Variants in ZSCAN4 observed in about 807,000 individuals in gnomAD.
ZSCAN4 encodes the protein zinc finger and SCAN domain-containing protein 4.
Under a neutral mutation model 18.3 loss-of-function variants are expected in ZSCAN4, and 18 were observed. The ratio of observed to expected loss-of-function variants is 0.98; its 90% confidence interval spans 0.68 to 1.46. The LOEUF (loss-of-function observed/expected upper bound fraction) is 1.46, where lower values mean the gene tolerates loss of function less well. Among genes scored for constraint, ZSCAN4 ranks in the 40% most tolerant of loss-of-function variants. The probability of loss-of-function intolerance (pLI) is 0.00; values close to 1 mark genes in which losing one functional copy is unlikely to be tolerated. For missense variants in ZSCAN4, 498 were observed against 511.4 expected (o/e 0.97, Z 0.25); for synonymous variants, 193 against 180.3 (o/e 1.07, Z -0.57).
At chr19:57,654,183 C>T in the ZSCAN4 span, among the ~76,000 whole-genome samples, 2 of 152,172 alleles carry the variant, frequency 1.3e-5, no homozygotes, top group African/African-American at 4.8e-5. Context: ...GTAACCTAGT[C>T]AACACTTGCT....
the ZSCAN4 span, among the ~76,000 whole-genome samples, chr19:57,657,944 G>C: frequency 1.3e-5 from 2 of 152,252 alleles, no homozygotes; most frequent in East Asian, 3.9e-4. Flanking sequence ...CCCAAAAAAG[G>C]TCTGTGCATG....
upstream of ZSCAN4, among the ~76,000 whole-genome samples, chr19:57,666,350 T>C (rs1568656593): frequency 6.6e-6 from 1 of 152,114 alleles, no homozygotes; most frequent in African/African-American, 2.4e-5. Flanking sequence ...TTCCTTCTCT[T>C]TACGACTGTT....
chr19:57,675,488 G>A (rs900030585), intron 2 of ZSCAN4, among the ~76,000 whole-genome samples: 8 of 152,040 alleles, frequency 5.3e-5, no homozygotes, highest in African/African-American at 1.7e-4. Context: ...CACCATGTTG[G>A]CCAGGCTAGT....
At chr19:57,666,253 G>C (rs1216577064), upstream of ZSCAN4, among the ~76,000 whole-genome samples, 2 of 152,194 alleles carry the variant, frequency 1.3e-5, no homozygotes, top group African/African-American at 4.8e-5. Flanking sequence ...TTTCCACGGG[G>C]TGATCCACGC....
intron 2 of ZSCAN4, among the ~76,000 whole-genome samples, chr19:57,671,560 A>C (rs1984024081): frequency 6.6e-6 from 1 of 151,898 alleles, no homozygotes; most frequent in Non-Finnish European, 1.5e-5. Context: ...CAGCCACAAC[A>C]CCTAAGATGG....
chr19:57,676,757 A>C (rs1347726994), intron 3 of ZSCAN4, among the ~76,000 whole-genome samples: 1 of 152,232 alleles, frequency 6.6e-6, no homozygotes, highest in Admixed American at 6.5e-5. Flanking sequence ...TCTGTAGGAC[A>C]TATAGGAGCC....
exon 5 of ZSCAN4, chr19:57,678,587 A>C: frequency 6.2e-7 from 1 of 1,614,078 alleles, no homozygotes; most frequent in African/African-American, 1.3e-5. Flanking sequence ...GTCACTTATT[A>C]GCTCACCAGA....
At chr19:57,666,135 C>A (rs1983842782), upstream of ZSCAN4, among the ~76,000 whole-genome samples, 1 of 152,148 alleles carries the variant, frequency 6.6e-6, no homozygotes, top group Non-Finnish European at 1.5e-5. Context: ...CATATCAGAT[C>A]CTTATGAAGC....
At chr19:57,659,279 G>C in the ZSCAN4 span, among the ~76,000 whole-genome samples, 1 of 151,998 alleles carries the variant, frequency 6.6e-6, no homozygotes, top group Admixed American at 6.6e-5. Context: ...ACTGCTTACT[G>C]TCTGTTTCTA....
the ZSCAN4 span, among the ~76,000 whole-genome samples, chr19:57,663,673 C>CTGCA: frequency 7.3e-6 from 1 of 137,456 alleles, no homozygotes; most frequent in Non-Finnish European, 1.5e-5. Flanking sequence ...CACCACTGTA[C>CTGCA]TGCAGCCTGG....
the ZSCAN4 span, among the ~76,000 whole-genome samples, chr19:57,662,406 T>C: frequency 6.6e-6 from 1 of 152,146 alleles, no homozygotes; most frequent in Non-Finnish European, 1.5e-5. Context: ...TATTTAAATA[T>C]CTTATTTAGA....
rs766922820 is a variant in ZSCAN4 at position 57,678,180 on chromosome 19, C to G, written c.577C>G (p.Gln193Glu). ...TATTTTCACAGGATATGAAGATGAA[C>G]AAGATGGCTGGAACAGTTCTTCGAA... The change falls in exon 5 of 5, where the codon CAA (glutamine) becomes GAA (glutamate). Residue 193 changes from glutamine (Q) to glutamate (E), a missense_variant. Coordinates refer to ENST00000318203, the Ensembl canonical transcript of ZSCAN4. 11 of 1,613,284 alleles carry G rather than the reference C, an allele frequency of 6.8e-6. No homozygotes were observed. The East Asian group carries it at 2.0e-4, about 29-fold the overall frequency.
Position 57,676,469 on chromosome 19 carries a change from G to A in ZSCAN4, c.324G>A (p.Trp108Ter). 6.2e-7 allele frequency: 1 copy of A among 1,614,208 alleles called. No individual in the cohort carries two copies. The highest frequency in any genetic ancestry group is 1.1e-5 in the South Asian group (1 of 91,088). Residue 108 changes from tryptophan (W) to a stop codon, truncating the protein, a stop_gained, in exon 3 of 5, where the codon TGG becomes TGA. Coordinates refer to ENST00000318203, the Ensembl canonical transcript of ZSCAN4. LOFTEE classifies it high-confidence loss of function. ...ACAAAGCCAGTGTGAAAGAGAAATG[G>A]AAATCAAGTGGCAAAAACTTGGAGA...
chr19:57,679,065 T>C (rs1984284150), exon 5 of ZSCAN4: 2 of 805,742 alleles, frequency 2.5e-6, no homozygotes, highest in South Asian at 7.8e-5. Context: ...AATTTGTCAG[T>C]TTTGTTCACT....
chr19:57,651,732 C>T, the ZSCAN4 span, among the ~76,000 whole-genome samples: 1 of 152,196 alleles, frequency 6.6e-6, no homozygotes, highest in Non-Finnish European at 1.5e-5. Context: ...CAGCTCATCC[C>T]AGGTGAATTC....
chr19:57,678,364 A>T (rs900885295), exon 5 of ZSCAN4: 1 of 1,614,066 alleles, frequency 6.2e-7, no homozygotes, highest in Non-Finnish European at 8.5e-7. Flanking sequence ...GCTAGATCTC[A>T]GGAAGGGTCC....
the ZSCAN4 span, among the ~76,000 whole-genome samples, chr19:57,661,446 T>G: frequency 6.6e-6 from 1 of 152,178 alleles, no homozygotes; most frequent in African/African-American, 2.4e-5. Context: ...TGATTGTTAC[T>G]GGTAGAATCA....
chr19:57,667,880 T>G (rs545438197), upstream of ZSCAN4, among the ~76,000 whole-genome samples: 2,287 of 146,064 alleles, frequency 0.016, 54 homozygotes, highest in African/African-American at 0.055. Flanking sequence ...TTCATTGTTT[T>G]TTTTTTGTTT....
upstream of ZSCAN4, among the ~76,000 whole-genome samples, chr19:57,665,770 A>G (rs1983835592): frequency 6.6e-6 from 1 of 152,088 alleles, no homozygotes; most frequent in East Asian, 1.9e-4. Context: ...ATACAAAATA[A>G]GCTGGGCAGC....
Sources: gnomAD v4.1 joint callset for allele counts (sites outside exome capture counted in the v4.1 genomes callset) on GRCh38, gnomAD v4.1.1 for gene constraint, MANE v1.5 for transcripts, NCBI Gene and HGNC (gene_info 2026-07-23, HGNC 2026-07-21) for gene names.